Variants in PSMA1 observed in about 807,000 individuals in gnomAD.
PSMA1 encodes proteasome subunit alpha type-1.
PSMA1 carries 3 observed loss-of-function variants against 38.4 expected under a neutral mutation model. That is an observed-to-expected ratio of 0.08 (90% confidence interval 0.04 to 0.20). The LOEUF (loss-of-function observed/expected upper bound fraction) is 0.20, where lower values mean the gene tolerates loss of function less well. PSMA1 is among the 10% of genes least tolerant of loss of function. The probability of loss-of-function intolerance (pLI) is 1.00; values close to 1 mark genes in which losing one functional copy is unlikely to be tolerated. For synonymous variants in PSMA1, 101 were observed against 107.1 expected (o/e 0.94, Z 0.35); for missense variants, 227 against 325.3 (o/e 0.70, Z 2.32).
intron 1 of PSMA1, among the ~76,000 whole-genome samples, chr11:14,638,535 CTCTCTCTCTCTATATA>C (rs1485577206): frequency 1.2e-4 from 3 of 25,640 alleles, no homozygotes; most frequent in African/African-American, 1.7e-4. Context: ...CTCTCTCTCT[CTCTCTCTCTCTATATA>C]TATATATATA....
intron 1 of PSMA1, among the ~76,000 whole-genome samples, chr11:14,632,254 C>A (rs996675975): frequency 2.7e-5 from 4 of 146,248 alleles, no homozygotes; most frequent in Non-Finnish European, 6.0e-5. Flanking sequence ...GCAGTTTCTT[C>A]CTAGTCTCGA....
chr11:14,545,944 G>A (rs1851821120), intron 2 of PSMA1, among the ~76,000 whole-genome samples: 1 of 152,140 alleles, frequency 6.6e-6, no homozygotes, highest in Non-Finnish European at 1.5e-5. Context: ...ATTTAAATTA[G>A]AGGTCAGTGA....
chr11:14,537,678 A>C (rs563182621), intron 2 of PSMA1, among the ~76,000 whole-genome samples: 47 of 150,936 alleles, frequency 3.1e-4, no homozygotes, highest in African/African-American at 9.5e-4. Flanking sequence ...TATTTTAAAG[A>C]CCTAAAGGCA....
intron 1 of PSMA1, among the ~76,000 whole-genome samples, chr11:14,642,312 ATTTGCTGAGT>A (rs2133730318): frequency 6.6e-6 from 1 of 152,166 alleles, no homozygotes; most frequent in South Asian, 2.1e-4. Flanking sequence ...TAAAAAATAC[ATTTGCTGAGT>A]TTTGCTGAAA....
intron 1 of PSMA1, among the ~76,000 whole-genome samples, chr11:14,630,105 T>C (rs1382669870): frequency 1.3e-5 from 2 of 152,172 alleles, no homozygotes; most frequent in African/African-American, 2.4e-5. Flanking sequence ...TCATGTCGTC[T>C]GCAAAAAGGG....
intron 2 of PSMA1, among the ~76,000 whole-genome samples, chr11:14,603,219 A>G (rs997483636): frequency 2.0e-5 from 3 of 152,226 alleles, no homozygotes; most frequent in Non-Finnish European, 4.4e-5. Context: ...AGGAAGGAGA[A>G]GTAATTCACC....
intron 1 of PSMA1, among the ~76,000 whole-genome samples, chr11:14,618,018 C>G (rs1030377130): frequency 2.0e-5 from 3 of 152,078 alleles, no homozygotes; most frequent in Admixed American, 2.0e-4. Context: ...AGGCAATTTC[C>G]TTCTGTGAGG....
At chr11:14,633,954 C>T (rs1431518642) in intron 1 of PSMA1, among the ~76,000 whole-genome samples, 1 of 152,206 alleles carries the variant, frequency 6.6e-6, no homozygotes, top group Non-Finnish European at 1.5e-5. Context: ...CTCCCTGACC[C>T]CTTGCGCTTC....
At chr11:14,619,951 A>G (rs181195996) in intron 1 of PSMA1, among the ~76,000 whole-genome samples, 19 of 152,288 alleles carry the variant, frequency 1.2e-4, no homozygotes, top group Non-Finnish European at 8.8e-5. Context: ...AAGTTAGGGC[A>G]TTTTAAGTTG....
chr11:14,542,758 T>C (rs550064189), intron 2 of PSMA1, among the ~76,000 whole-genome samples: 2 of 152,314 alleles, frequency 1.3e-5, no homozygotes, highest in East Asian at 3.9e-4. Context: ...GAAGTAAGGA[T>C]ATATAGTTCC....
chr11:14,589,155 T>C (rs1371190638), intron 2 of PSMA1, among the ~76,000 whole-genome samples: 1 of 152,202 alleles, frequency 6.6e-6, no homozygotes, highest in African/African-American at 2.4e-5. Context: ...TCTTTGCTTA[T>C]GTGTCAACTT....
chr11:14,616,328 G>GC (rs1380949730), intron 1 of PSMA1, among the ~76,000 whole-genome samples: 1 of 150,856 alleles, frequency 6.6e-6, no homozygotes. Context: ...CACCTACCAG[G>GC]CTCAAACTAT....
chr11:14,520,616 G>T, upstream of PSMA1: 2 of 640,746 alleles, frequency 3.1e-6, no homozygotes, highest in South Asian at 2.3e-5. Context: ...TCCTGTGTAT[G>T]GCGGATTCCC....
intron 2 of PSMA1, among the ~76,000 whole-genome samples, chr11:14,525,388 A>G (rs1851574902): frequency 6.6e-6 from 1 of 151,944 alleles, no homozygotes; most frequent in Admixed American, 6.6e-5. Context: ...TTGGCGACCG[A>G]TCATGCACCC....
At chr11:14,558,664 C>G (rs1029588373) in intron 2 of PSMA1, among the ~76,000 whole-genome samples, 28 of 152,076 alleles carry the variant, frequency 1.8e-4, no homozygotes, top group African/African-American at 6.5e-4. Context: ...CTAAGGTCAA[C>G]AACAATGTGA....
At chr11:14,577,424 G>A (rs1190461204) in intron 2 of PSMA1, among the ~76,000 whole-genome samples, 1 of 152,084 alleles carries the variant, frequency 6.6e-6, no homozygotes, top group African/African-American at 2.4e-5. Flanking sequence ...TTCCAATGAT[G>A]ATCTTTCCTC....
intron 2 of PSMA1, among the ~76,000 whole-genome samples, chr11:14,526,330 T>C (rs1424498205): frequency 6.6e-6 from 1 of 152,294 alleles, no homozygotes; most frequent in East Asian, 1.9e-4. Context: ...TAGCTCTCCC[T>C]GACTCATCCC....
rs376659759 is a variant in PSMA1 at position 14,549,056 on chromosome 11, GT to G, written c.22-30016del. Reference sequence around the variant, plus strand: ...AAAAGCCCTGATGGTTGCTATTACTGTTTTTTTTTTCTTTTCAGGTAGACTC... The same window carrying G: ...AAAAGCCCTGATGGTTGCTATTACTGTTTTTTTTTCTTTTCAGGTAGACTC... On this transcript the variant is annotated intron_variant, in intron 2 of 10. Coordinates refer to the PSMA1 transcript ENST00000418988. Among the ~76,000 whole-genome samples, 65 of 148,362 alleles carry G rather than the reference GT, an allele frequency of 4.4e-4. No individual in the cohort carries two copies. The South Asian group carries it at 6.4e-3, about 15-fold the overall frequency.
intron 2 of PSMA1, among the ~76,000 whole-genome samples, chr11:14,529,034 G>A (rs575999872): frequency 6.6e-6 from 1 of 151,238 alleles, no homozygotes; most frequent in African/African-American, 2.4e-5. Flanking sequence ...AGCCTGTTTG[G>A]TGTTCTCTTC....
Sources: gnomAD v4.1 joint callset for allele counts (sites outside exome capture counted in the v4.1 genomes callset) on GRCh38, gnomAD v4.1.1 for gene constraint, MANE v1.5 for transcripts, NCBI Gene and HGNC (gene_info 2026-07-23, HGNC 2026-07-21) for gene names.